The following STYK1 variants were observed in gnomAD, a reference collection of about 807,000 sequenced individuals.
STYK1 encodes the protein STY kinase 1.
Under a neutral mutation model 48.1 loss-of-function variants are expected in STYK1, and 46 were observed. The observed-to-expected ratio is 0.96, with a 90% CI of 0.75 to 1.22. The LOEUF (loss-of-function observed/expected upper bound fraction) is 1.22. Among genes scored for constraint, STYK1 ranks in the 50% most tolerant of loss-of-function variants. STYK1 has a pLI of 0.00. For missense variants in STYK1, 527 were observed against 521.1 expected (o/e 1.01, Z -0.11); for synonymous variants, 188 against 189.0 (o/e 0.99, Z 0.04).
intron 1 of STYK1, among the ~76,000 whole-genome samples, chr12:10,665,528 G>C (rs1947825328): frequency 6.6e-6 from 1 of 152,110 alleles, no homozygotes; most frequent in Admixed American, 6.5e-5. Flanking sequence ...CCCTTCATAA[G>C]GCTGACTGGA....
intron 7 of STYK1, among the ~76,000 whole-genome samples, 183 bp downstream of exon 7, chr12:10,627,458 T>C (rs1026386264): frequency 4.6e-5 from 7 of 152,250 alleles, no homozygotes; most frequent in Non-Finnish European, 1.0e-4. Flanking sequence ...ATTATCTAGA[T>C]AAATCCCTAA....
intron 5 of STYK1, among the ~76,000 whole-genome samples, chr12:10,630,048 AG>A (rs1488036805): frequency 5.0e-4 from 1 of 1,982 alleles, no homozygotes; most frequent in Admixed American, 0.013. Context: ...AGAGAGAGAG[AG>A]AGAGAGAGAG....
chr12:10,637,861 G>C (rs1264653762), intron 1 of STYK1, among the ~76,000 whole-genome samples: 1 of 152,114 alleles, frequency 6.6e-6, no homozygotes, highest in Non-Finnish European at 1.5e-5. Flanking sequence ...CTGAGAAAAG[G>C]CATGCCTTAA....
At chr12:10,660,476 G>GTA (rs1350535892) in intron 1 of STYK1, among the ~76,000 whole-genome samples, 5 of 44,476 alleles carry the variant, frequency 1.1e-4, no homozygotes, top group African/African-American at 1.2e-4. Flanking sequence ...AGGGAAATAT[G>GTA]TTAGAGGCAT....
At chr12:10,664,617 C>T (rs1379470800) in intron 1 of STYK1, among the ~76,000 whole-genome samples, 1 of 152,166 alleles carries the variant, frequency 6.6e-6, no homozygotes, top group Non-Finnish European at 1.5e-5. Context: ...TCTTTATTGT[C>T]CGTCTGTTTG....
chr12:10,638,290 T>C (rs1423743498), intron 1 of STYK1, among the ~76,000 whole-genome samples: 9 of 152,222 alleles, frequency 5.9e-5, no homozygotes, highest in Admixed American at 5.9e-4. Context: ...TCACTTGTAG[T>C]TATCATTCCT....
intron 1 of STYK1, among the ~76,000 whole-genome samples, chr12:10,659,252 C>A (rs1488298213): frequency 1.3e-5 from 2 of 152,076 alleles, no homozygotes; most frequent in Non-Finnish European, 2.9e-5. Context: ...TAGCTTGTGG[C>A]AATACTCCTG....
intron 2 of STYK1, among the ~76,000 whole-genome samples, chr12:10,636,329 A>T (rs1947485272): frequency 6.6e-6 from 1 of 152,238 alleles, no homozygotes; most frequent in Non-Finnish European, 1.5e-5. Context: ...GTTGGTTGAC[A>T]GAAGCTCAGG....
chr12:10,626,908 A>G (rs1483347583), intron 7 of STYK1, among the ~76,000 whole-genome samples: 6 of 152,266 alleles, frequency 3.9e-5, no homozygotes, highest in South Asian at 4.1e-4. Context: ...TCGGGAGGCT[A>G]AGGCAGGAGA....
chr12:10,655,052 A>G (rs1277434517), intron 1 of STYK1, among the ~76,000 whole-genome samples: 1 of 152,198 alleles, frequency 6.6e-6, no homozygotes, highest in East Asian at 1.9e-4. Flanking sequence ...AGTTGTAGGA[A>G]TGGTAGAAAT....
chr12:10,665,971 C>A (rs34345175), intron 1 of STYK1, among the ~76,000 whole-genome samples: 38,474 of 152,020 alleles, frequency 0.25, 5,278 homozygotes, highest in African/African-American at 0.36. Context: ...AATCTCACCA[C>A]AGGGAAGTCA....
At chr12:10,627,607 T>A in intron 7 of STYK1, 34 bp downstream of exon 7, 5 of 1,576,382 alleles carry the variant, frequency 3.2e-6, no homozygotes, top group Non-Finnish European at 4.3e-6. Flanking sequence ...CAAGGAAACG[T>A]CACACCATCA....
chr12:10,643,822 G>A (rs1032718282), intron 1 of STYK1, among the ~76,000 whole-genome samples: 5 of 152,204 alleles, frequency 3.3e-5, no homozygotes, highest in African/African-American at 1.2e-4. Flanking sequence ...ACAGTAACAA[G>A]AGAGGAGAAA....
rs1865878876 is a variant in STYK1 at position 10,619,979 on chromosome 12, C to T, written c.*165G>A. 8.0e-6 allele frequency: 6 copies of T among 747,702 alleles called. No individual in the cohort carries two copies. The South Asian group carries it at 8.5e-5, about 11-fold the overall frequency. The allele number at this position is 747,702 out of a possible 1,614,324, so 46.3% of individuals were successfully genotyped here. A position where few individuals can be genotyped will look rare whatever the true frequency, so the allele number is the denominator to read the frequency against. On this transcript the variant is annotated 3_prime_UTR_variant, in exon 11 of 11. Transcript: ENST00000075503. ...TGTCTTAGCTCAGGATGTGTAGAGT[C>T]CCATCCAGCATCATTTCAGATTTCC...
In STYK1 at chr12:10,672,896, T is replaced by C. The variant is rs1947904849; in HGVS notation, c.-195+1070A>G. Among the ~76,000 whole-genome samples, 1 of 152,146 alleles carries C rather than the reference T, an allele frequency of 6.6e-6. No individual in the cohort carries two copies. Among genetic ancestry groups the C allele is most frequent in the East Asian group, 1.9e-4 (1 of 5,194 alleles). On this transcript the variant is annotated intron_variant, in intron 1 of 10. Coordinates refer to ENST00000075503, the MANE Select transcript of STYK1 (RefSeq NM_018423.3). This position sits in a 1 kb window ranked among gnomAD's most constrained non-coding sequence, Gnocchi z 4.0. Reference sequence around the variant, plus strand: ...CCCCCTAGCTAGCTGTCAGTGGAGATTCCGGTGCATTGAGGGGGAAAAACC... The same window carrying C: ...CCCCCTAGCTAGCTGTCAGTGGAGACTCCGGTGCATTGAGGGGGAAAAACC...
intron 7 of STYK1, among the ~76,000 whole-genome samples, chr12:10,625,141 G>T (rs549661954): frequency 1.3e-5 from 2 of 152,100 alleles, no homozygotes; most frequent in East Asian, 1.9e-4. Context: ...CCTGATTTTC[G>T]TTTCCCGTGA....
At chr12:10,667,285 CT>C (rs1947843214) in intron 1 of STYK1, 1 of 152,054 alleles carries the variant, frequency 6.6e-6, no homozygotes, top group South Asian at 2.1e-4. Context: ...AGTTAAAACA[CT>C]ACCTTCGATT....
chr12:10,634,593 TC>T lies in STYK1; in HGVS notation c.25del (p.Glu9AsnfsTer18). On this transcript the variant is annotated frameshift_variant, in exon 3 of 11. Coordinates refer to ENST00000075503, the MANE Select transcript of STYK1 (RefSeq NM_018423.3). LOFTEE classifies it high-confidence loss of function. ...ACACAACTTGTCACTGAGACTGCAT[TC>T]CAGGAGCATCCGTGTCATGCCCATT... MGMTRMLL[E>X]CSLSDKLCVI... 1 of 1,614,140 alleles carries T rather than the reference TC, an allele frequency of 6.2e-7. No homozygotes were observed. The highest frequency in any genetic ancestry group is 8.5e-7 in the Non-Finnish European group (1 of 1,180,014).
intron 1 of STYK1, among the ~76,000 whole-genome samples, chr12:10,655,917 T>C (rs1418078116): frequency 6.6e-6 from 1 of 152,262 alleles, no homozygotes; most frequent in African/African-American, 2.4e-5. Context: ...GTTTTTTCTC[T>C]TCTTGGATCT....
Sources: allele counts gnomAD v4.1 joint callset (sites outside exome capture counted in the v4.1 genomes callset), GRCh38; gene constraint gnomAD v4.1.1; non-coding constraint Gnocchi (gnomAD v3.1); transcripts MANE v1.5; gene names NCBI Gene and HGNC (gene_info 2026-07-23, HGNC 2026-07-21).